The following CHD3 variants were observed in gnomAD, a reference collection of about 807,000 sequenced individuals.
CHD3 encodes chromodomain helicase DNA binding protein 3, also known as ATP-dependent chromatin remodeler CHD3.
CHD3 carries 52 observed loss-of-function variants against 248.9 expected under a neutral mutation model. The ratio of observed to expected loss-of-function variants is 0.21; its 90% confidence interval spans 0.17 to 0.26. CHD3 has a LOEUF of 0.26. Among genes scored for constraint, CHD3 ranks in the 10% least tolerant of loss-of-function variants. The pLI is 1.00. For synonymous variants in CHD3, 985 were observed against 985.2 expected, an observed-to-expected ratio of 1.00 and a Z score of 0.00; for missense variants, 1,482 against 2,605.8, an observed-to-expected ratio of 0.57 and a Z score of 9.39.
At position 7,910,270 on chromosome 17, in the gene CHD3, T is replaced by C; in HGVS notation, c.5591-158T>C. On this transcript the variant is annotated intron_variant, in intron 37 of 39. Coordinates refer to ENST00000330494, the MANE Select transcript of CHD3 (RefSeq NM_001005273.3). The surrounding 1 kb of genome is among the most constrained non-coding windows in gnomAD (Gnocchi z 4.7). ...GTTGCTTCTGTTTTCCATCTACTTC[T>C]TTTACTTTCTTGATCTCTGGTTCTT... 1.1e-6 allele frequency: 1 copy of C among 899,742 alleles called. No individual in the cohort carries two copies. Among genetic ancestry groups the C allele is most frequent in the African/African-American group, 1.7e-5 (1 of 58,982 alleles). The allele number at this position is 899,742 out of a possible 1,614,324, so 55.7% of individuals were successfully genotyped here.
Position 7,889,035 on chromosome 17 carries a change from G to C in CHD3, c.35G>C (p.Arg12Thr), listed in dbSNP as rs759864597. ...KAADTVILWA[R>T]SKNDQLRISF... Reference sequence around the variant, plus strand: ...GCAGACACTGTGATCCTGTGGGCAAGAAGTAAAAATGACCAGCTGAGGATT... The same window carrying C: ...GCAGACACTGTGATCCTGTGGGCAACAAGTAAAAATGACCAGCTGAGGATT... The change falls in exon 1 of 40, where the codon AGA becomes ACA. Residue 12 changes from arginine (R) to threonine (T), a missense_variant. Around this residue, in one of 20 missense-constraint regions of CHD3, gnomAD observed 169 missense variants for 168.1 expected, o/e 1.01. Transcript: ENST00000330494. This position sits in a 1 kb window ranked among gnomAD's most constrained non-coding sequence, Gnocchi z 4.5. 1 of 1,614,260 alleles carries C rather than the reference G, an allele frequency of 6.2e-7. No individual in the cohort carries two copies. The highest frequency in any genetic ancestry group is 8.5e-7 in the Non-Finnish European group (1 of 1,180,044).
At position 7,899,307 on chromosome 17, in the gene CHD3, G is replaced by A. The variant is rs755189107; in HGVS notation, c.2344-36G>A. 2.5e-6 allele frequency: 4 copies of A among 1,611,398 alleles called. No individual in the cohort carries two copies. The highest frequency in any genetic ancestry group is 1.3e-5 in the African/African-American group (1 of 74,848). On this transcript the variant is annotated intron_variant, in intron 14 of 39. Coordinates refer to ENST00000330494, the MANE Select transcript of CHD3 (RefSeq NM_001005273.3). This position sits in a 1 kb window ranked among gnomAD's most constrained non-coding sequence, Gnocchi z 6.8. ...AGAGGACTAGGGTATACGGCCTCTA[G>A]CCTAGACTTATGCTGCCCCCATTCT...
In CHD3 at chr17:7,899,344, G is replaced by T; in HGVS notation, c.2345G>T (p.Gly782Val). ...IVFLYSLYKE[G>V]HTKGPFLVSA... ...GCTGCCCCCATTCTTGACTCCCAGGGCCACACAAAAGGTCCCTTCCTGGTG... is the reference window on the plus strand; with the variant it reads ...GCTGCCCCCATTCTTGACTCCCAGGTCCACACAAAAGGTCCCTTCCTGGTG... The change falls in exon 15 of 40, where the codon GGC becomes GTC. Residue 782 changes from glycine (G) to valine (V), a missense_variant and splice_region_variant. Around this residue, in one of 20 missense-constraint regions of CHD3, gnomAD observed 18 missense variants for 88.8 expected, o/e 0.20. Transcript: ENST00000330494. This position sits in a 1 kb window ranked among gnomAD's most constrained non-coding sequence, Gnocchi z 6.8. The T allele has an allele frequency of 6.2e-7, 1 of 1,614,006 alleles. No individual in the cohort carries two copies. The highest frequency in any genetic ancestry group is 8.5e-7 in the Non-Finnish European group (1 of 1,179,932).
upstream of CHD3, among the ~76,000 whole-genome samples, chr17:7,886,150 G>A (rs946351704): frequency 1.3e-5 from 2 of 152,200 alleles, no homozygotes; most frequent in Non-Finnish European, 1.5e-5. This position sits in a 1 kb window ranked among gnomAD's most constrained non-coding sequence, Gnocchi z 4.2. Flanking sequence ...TGGGGGGCGT[G>A]AACTGCCCAC....
chr17:7,888,754 G>C (rs899267700), upstream of CHD3: 1 of 1,320,166 alleles, frequency 7.6e-7, no homozygotes. Context: ...GCGTGCTTTT[G>C]AGAAGGCATA....
rs1481895887 is a variant in CHD3 at position 7,900,209 on chromosome 17, G to T, written c.2683-81G>T. 3 of 1,587,306 alleles carry T rather than the reference G, an allele frequency of 1.9e-6. No individual in the cohort carries two copies. Among genetic ancestry groups the T allele is most frequent in the Non-Finnish European group, 2.6e-6 (3 of 1,163,018 alleles). Reference sequence around the variant, plus strand: ...GATCCTGAGTGAAATGGGAGCTGGGGCAGGGAAAGGCTGATGCTGTGGGTC... The same window carrying T: ...GATCCTGAGTGAAATGGGAGCTGGGTCAGGGAAAGGCTGATGCTGTGGGTC... On this transcript the variant is annotated intron_variant, in intron 16 of 39. Coordinates refer to ENST00000330494, the MANE Select transcript of CHD3 (RefSeq NM_001005273.3). This position sits in a 1 kb window ranked among gnomAD's most constrained non-coding sequence, Gnocchi z 6.5.
Position 7,890,599 on chromosome 17 carries a change from G to A in CHD3, c.242G>A (p.Arg81Gln), listed in dbSNP as rs1023066121. The A allele has an allele frequency of 1.1e-5, 18 of 1,596,186 alleles. No individual in the cohort carries two copies. The highest frequency in any genetic ancestry group is 2.2e-5 in the East Asian group (1 of 44,804). Residue 81 changes from arginine (R) to glutamine (Q), a missense_variant, in exon 3 of 40, where the codon CGA (arginine) becomes CAA (glutamine). Physicochemically the swap from Arg to Gln is conservative, Grantham distance 43 (BLOSUM62 1). Transcript: ENST00000330494. ...RDSEEEFGSE[R>Q]DEYREKSESG... is the part of the protein sequence containing the mutation. ...AGTGAGGAGGAATTTGGTTCTGAGC[G>A]AGATGAGTACCGGGAGAAGTCAGAG...
upstream of CHD3, among the ~76,000 whole-genome samples, chr17:7,885,603 C>G (rs1967780286): frequency 6.6e-6 from 1 of 151,594 alleles, no homozygotes; most frequent in South Asian, 2.1e-4. Flanking sequence ...GGCTCTGGCC[C>G]CGGTGGGGTT....
At chr17:7,885,094 GC>G (rs1301339514), upstream of CHD3, 1 of 958,494 alleles carries the variant, frequency 1.0e-6, no homozygotes, top group Non-Finnish European at 1.2e-6. Context: ...GTAAGCGCCC[GC>G]CCCGACTCCC....
chr17:7,904,365 G>T lies in CHD3; in HGVS notation c.3895-77G>T. 1 of 1,395,298 alleles carries T rather than the reference G, an allele frequency of 7.2e-7. No individual in the cohort carries two copies. Among genetic ancestry groups the T allele is most frequent in the East Asian group, 2.3e-5 (1 of 43,486 alleles). 86.4% of individuals were successfully genotyped at this position (1,395,298 alleles called of 1,614,324 possible). On this transcript the variant is annotated intron_variant, in intron 24 of 39. Coordinates refer to ENST00000330494, the MANE Select transcript of CHD3 (RefSeq NM_001005273.3). The surrounding 1 kb of genome is among the most constrained non-coding windows in gnomAD (Gnocchi z 4.4). Reference sequence around the variant, plus strand: ...GAGACCGGATTGGGCTGACGCAGCAGAGTAGGGATTTCCTTGCAGTGGAAG... The same window carrying T: ...GAGACCGGATTGGGCTGACGCAGCATAGTAGGGATTTCCTTGCAGTGGAAG...
upstream of CHD3, among the ~76,000 whole-genome samples, chr17:7,885,665 C>G (rs1967796423): frequency 6.6e-6 from 1 of 152,084 alleles, no homozygotes; most frequent in South Asian, 2.1e-4. Flanking sequence ...CGGGCCTGCC[C>G]CCTCCGCTCA....
chr17:7,890,509 C>A, intron 2 of CHD3, 62 bp from the exon 3 acceptor site: 2 of 1,194,104 alleles, frequency 1.7e-6, no homozygotes, highest in Non-Finnish European at 2.3e-6. Context: ...ATGGTATGTG[C>A]TGAGAACAGT....
upstream of CHD3, chr17:7,884,842 G>A (rs1167140477): frequency 2.8e-6 from 3 of 1,079,474 alleles, no homozygotes; most frequent in African/African-American, 3.3e-5. Flanking sequence ...AGGAGGAGGA[G>A]GAGGAGATGG....
In CHD3 at chr17:7,895,063, C is replaced by A; in HGVS notation, c.1416C>A (p.Asp472Glu). The change falls in exon 9 of 40, where the codon GAC becomes GAA. Residue 472 changes from aspartate to glutamate, a missense_variant. By Grantham distance (45) the Asp-to-Glu change is conservative. This residue lies in a region of CHD3 where 138 missense variants were observed against 241.1 expected (regional missense o/e 0.57). Coordinates refer to ENST00000330494, the MANE Select transcript of CHD3 (RefSeq NM_001005273.3). This position sits in a 1 kb window ranked among gnomAD's most constrained non-coding sequence, Gnocchi z 4.9. Reference sequence around the variant, plus strand: ...ACGGCGGGGAGCTCCTGTGCTGTGACGCGTGCATCTCCTCCTACCACATTC... The same window carrying A: ...ACGGCGGGGAGCTCCTGTGCTGTGAAGCGTGCATCTCCTCCTACCACATTC... ...CKDGGELLCC[D>E]ACISSYHIHC... 6.2e-7 allele frequency: 1 copy of A among 1,614,130 alleles called. No individual in the cohort carries two copies. The highest frequency in any genetic ancestry group is 8.5e-7 in the Non-Finnish European group (1 of 1,180,026).
chr17:7,903,971 G>A lies in CHD3; in HGVS notation c.3874G>A (p.Val1292Ile), dbSNP rs1273986977. Reference sequence around the variant, plus strand: ...CAGCTCCTTCAAGGTGGCACAGTACGTCGTGCGGGAAGAAGACAAGGTGAG... The same window carrying A: ...CAGCTCCTTCAAGGTGGCACAGTACATCGTGCGGGAAGAAGACAAGGTGAG... ...YLSSFKVAQY[V>I]VREEDKIEEI... Residue 1292 changes from valine (V) to isoleucine (I), a missense_variant, in exon 24 of 40, where the codon GTC becomes ATC. Val to Ile is a conservative substitution (Grantham distance 29). Coordinates refer to ENST00000330494, the MANE Select transcript of CHD3 (RefSeq NM_001005273.3). The surrounding 1 kb of genome is among the most constrained non-coding windows in gnomAD (Gnocchi z 6.8). 2 of 1,614,070 alleles carry A rather than the reference G, an allele frequency of 1.2e-6. No homozygotes were observed. Among genetic ancestry groups the A allele is most frequent in the Non-Finnish European group, 1.7e-6 (2 of 1,179,944 alleles).
rs1050458431 is a variant in CHD3, at chr17:7,889,987, C to A, written c.213+211C>A. 1.3e-5 allele frequency among the ~76,000 whole-genome samples: 2 copies of A among 152,194 alleles called. No homozygotes were observed. The highest frequency in any genetic ancestry group is 4.8e-5 in the African/African-American group (2 of 41,434). ...TCATTCACTGCAACCTAGTGAAGAG[C>A]CTCGTTGTCAGTGTGTCCTCAGCAG... On this transcript the variant is annotated intron_variant, in intron 2 of 39. Coordinates refer to ENST00000330494, the MANE Select transcript of CHD3 (RefSeq NM_001005273.3). The surrounding 1 kb of genome is among the most constrained non-coding windows in gnomAD (Gnocchi z 4.5).
In CHD3 at chr17:7,899,564, T is replaced by A; in HGVS notation, c.2544+21T>A. The A allele has an allele frequency of 1.2e-6, 2 of 1,604,568 alleles. No homozygotes were observed. The highest frequency in any genetic ancestry group is 1.1e-5 in the South Asian group (1 of 90,910). On this transcript the variant is annotated intron_variant, in intron 15 of 39. Coordinates refer to ENST00000330494, the MANE Select transcript of CHD3 (RefSeq NM_001005273.3). This position sits in a 1 kb window ranked among gnomAD's most constrained non-coding sequence, Gnocchi z 6.8. The stretch of plus-strand genomic sequence containing the variant: ...TGAAGGTAAGACCCTCTACCTCATA[T>A]CCTCTGAGACCCTCAAAGCTGTCAC...
In CHD3 at chr17:7,905,861, GGGCTTCAACACCCGTCAGCGGAA is replaced by G; in HGVS notation, c.4236_4258del (p.Asn1413ProfsTer29). The stretch of plus-strand genomic sequence containing the variant: ...CTCCTTGCTCCCACCCTCAGGTGCT[GGGCTTCAACACCCGTCAGCGGAA>G]GGCTTTCCTCAATGCTGTGATGCGC... On this transcript the variant is annotated frameshift_variant, in exon 28 of 40. Transcript: ENST00000330494. LOFTEE classifies it high-confidence loss of function. This position sits in a 1 kb window ranked among gnomAD's most constrained non-coding sequence, Gnocchi z 5.8. The G allele has an allele frequency of 6.2e-7, 1 of 1,614,166 alleles. No individual in the cohort carries two copies. Among genetic ancestry groups the G allele is most frequent in the Non-Finnish European group, 8.5e-7 (1 of 1,180,042 alleles).
chr17:7,888,044 C>T (rs1968237384), upstream of CHD3, among the ~76,000 whole-genome samples: 1 of 152,220 alleles, frequency 6.6e-6, no homozygotes, highest in Non-Finnish European at 1.5e-5. Context: ...CTGCCCTTGC[C>T]ACTGCCTCGG....
Sources: allele counts gnomAD v4.1 joint callset (sites outside exome capture counted in the v4.1 genomes callset), GRCh38; gene constraint gnomAD v4.1.1; regional missense constraint gnomAD v4.1.1; non-coding constraint Gnocchi (gnomAD v3.1); transcripts MANE v1.5; gene names NCBI Gene and HGNC (gene_info 2026-07-23, HGNC 2026-07-21).